The following FUT8 variants were observed in gnomAD, a reference collection of about 807,000 sequenced individuals.
The protein encoded by FUT8 is fucosyltransferase 8, also known as alpha-(1,6)-fucosyltransferase.
In FUT8, 29 loss-of-function variants were observed where a neutral mutation model predicts 71.3. The ratio of observed to expected loss-of-function variants is 0.41; its 90% CI spans 0.30 to 0.55. The LOEUF (loss-of-function observed/expected upper bound fraction) is 0.55, where lower values mean the gene tolerates loss of function less well. Ranked by LOEUF, FUT8 falls within the 20% of genes least tolerant of loss-of-function variation. The pLI, the probability that FUT8 is intolerant of heterozygous loss-of-function variation, is 0.34. For missense variants in FUT8, 544 were observed against 702.1 expected (o/e 0.77, Z 2.55); for synonymous variants, 254 against 239.3 (o/e 1.06, Z -0.57).
At chr14:65,453,224 A>G (rs1366564497) in intron 1 of FUT8, among the ~76,000 whole-genome samples, 2 of 151,774 alleles carry the variant, frequency 1.3e-5, no homozygotes, top group African/African-American at 4.8e-5. Context: ...TGGCAGTATT[A>G]AACTCTTGGG....
intron 10 of FUT8, among the ~76,000 whole-genome samples, chr14:65,738,555 A>G (rs749727312): frequency 2.2e-4 from 33 of 152,104 alleles, no homozygotes; most frequent in Non-Finnish European, 4.1e-4. Context: ...AACATACTAC[A>G]TGTAGCCAAC....
chr14:65,616,980 A>G, intron 5 of FUT8: 1 of 1,245,290 alleles, frequency 8.0e-7, no homozygotes, highest in Non-Finnish European at 1.1e-6. Flanking sequence ...AAAAGAAAAC[A>G]TTTTGGTGCT....
Position 65,742,215 on chromosome 14 carries a change from T to C in FUT8, c.1533T>C (p.Tyr511=). The C allele has an allele frequency of 7.4e-6, 12 of 1,613,242 alleles. No individual in the cohort carries two copies. Among genetic ancestry groups the C allele is most frequent in the Non-Finnish European group, 1.0e-5 (12 of 1,179,448 alleles). The change falls in exon 11 of 11, where the codon TAT becomes TAC. Residue 511 remains tyrosine (Y), a synonymous_variant. Coordinates refer to ENST00000673929, the MANE Select transcript of FUT8 (RefSeq NM_001371533.1). ...ATGCCCACAATCAAATTGCCATTTA[T>C]GCTCACCAACCCCGAACTGCAGATG... ...GQNAHNQIAI[Y]AHQPRTADEI...
chr14:65,609,116 A>G (rs1371842326), intron 3 of FUT8, among the ~76,000 whole-genome samples: 1 of 151,586 alleles, frequency 6.6e-6, no homozygotes, highest in East Asian at 1.9e-4. Context: ...CCAACATGGC[A>G]AAACCCCGTC....
At chr14:65,418,994 C>T (rs1168264924) in intron 1 of FUT8, among the ~76,000 whole-genome samples, 2 of 151,962 alleles carry the variant, frequency 1.3e-5, no homozygotes, top group Admixed American at 6.6e-5. Context: ...TTTGGGAGGC[C>T]GAGGCAGGTG....
chr14:65,625,294 ATAGT>A (rs1889840595), intron 5 of FUT8, among the ~76,000 whole-genome samples: 1 of 152,140 alleles, frequency 6.6e-6, no homozygotes, highest in African/African-American at 2.4e-5. Context: ...TAGCCCTATT[ATAGT>A]TAAAGACTTT....
At chr14:65,624,151 T>C (rs1203894135) in intron 5 of FUT8, among the ~76,000 whole-genome samples, 2 of 152,234 alleles carry the variant, frequency 1.3e-5, no homozygotes, top group South Asian at 2.1e-4. Context: ...CTTAATTGTC[T>C]TGCTTACATG....
intron 2 of FUT8, among the ~76,000 whole-genome samples, chr14:65,499,249 A>T (rs1018136722): frequency 9.2e-5 from 14 of 152,068 alleles, no homozygotes; most frequent in African/African-American, 3.4e-4. Context: ...AGAAGAGCAC[A>T]CTAATTTTTT....
At chr14:65,703,086 G>T (rs1894389583) in intron 7 of FUT8, among the ~76,000 whole-genome samples, 1 of 152,182 alleles carries the variant, frequency 6.6e-6, no homozygotes, top group Non-Finnish European at 1.5e-5. Flanking sequence ...CGAGGAAGTG[G>T]CAGAAGTCTT....
At chr14:65,552,076 A>C (rs1885319219) in intron 2 of FUT8, among the ~76,000 whole-genome samples, 1 of 152,200 alleles carries the variant, frequency 6.6e-6, no homozygotes. Flanking sequence ...TTGATTTTCA[A>C]ATTATAGTAT....
At chr14:65,686,110 C>T (rs1287153835) in intron 7 of FUT8, among the ~76,000 whole-genome samples, 6 of 152,072 alleles carry the variant, frequency 3.9e-5, no homozygotes, top group Admixed American at 3.9e-4. Flanking sequence ...GAACAGAGGC[C>T]ACAGAAATGA....
At chr14:65,439,525 A>G (rs1413385060) in intron 1 of FUT8, among the ~76,000 whole-genome samples, 1 of 152,190 alleles carries the variant, frequency 6.6e-6, no homozygotes, top group Non-Finnish European at 1.5e-5. Context: ...AAATGTAAAT[A>G]AATATATTTA....
At chr14:65,543,910 A>G (rs1477926698) in intron 2 of FUT8, among the ~76,000 whole-genome samples, 1 of 152,234 alleles carries the variant, frequency 6.6e-6, no homozygotes, top group Non-Finnish European at 1.5e-5. Context: ...AAAAACAGAT[A>G]TGCTAAGGTA....
intron 7 of FUT8, among the ~76,000 whole-genome samples, chr14:65,692,283 C>G (rs1259664929): frequency 6.6e-6 from 1 of 150,510 alleles, no homozygotes; most frequent in African/African-American, 2.4e-5. Context: ...CAGAGGGGCT[C>G]CTCACTTCCC....
chr14:65,543,306 G>T (rs1330585571), intron 2 of FUT8, among the ~76,000 whole-genome samples: 1 of 152,006 alleles, frequency 6.6e-6, no homozygotes, highest in East Asian at 1.9e-4. Flanking sequence ...ATTCTTATAA[G>T]GCCTGATTTA....
chr14:65,702,070 G>A (rs547183185), intron 7 of FUT8, among the ~76,000 whole-genome samples: 100 of 152,330 alleles, frequency 6.6e-4, no homozygotes, highest in African/African-American at 2.2e-3. Context: ...AAGAGGCCGG[G>A]CGTGGTGGCT....
chr14:65,586,446 T>C (rs1452663308), intron 3 of FUT8, among the ~76,000 whole-genome samples: 2 of 152,216 alleles, frequency 1.3e-5, no homozygotes, highest in African/African-American at 2.4e-5. Flanking sequence ...AATTAGGGTA[T>C]TGAGCCATTT....
intron 3 of FUT8, among the ~76,000 whole-genome samples, chr14:65,582,345 T>C (rs988710865): frequency 8.5e-5 from 13 of 152,200 alleles, no homozygotes; most frequent in Non-Finnish European, 4.4e-5. Context: ...TTAGACAAAT[T>C]TATAATGTTG....
chr14:65,575,699 A>G (rs929015799), intron 3 of FUT8, among the ~76,000 whole-genome samples: 1 of 148,192 alleles, frequency 6.7e-6, no homozygotes, highest in East Asian at 2.0e-4. Flanking sequence ...GCTTACTGCA[A>G]CCTCCACCTC....
Sources: gnomAD v4.1 joint callset for allele counts (sites outside exome capture counted in the v4.1 genomes callset) on GRCh38, gnomAD v4.1.1 for gene constraint, MANE v1.5 for transcripts, NCBI Gene and HGNC (gene_info 2026-07-23, HGNC 2026-07-21) for gene names.